CDH12: variants seen among roughly 807,000 people sequenced by gnomAD.
CDH12 encodes cadherin 12, also known as cadherin-12.
Under a neutral mutation model 74.1 loss-of-function variants are expected in CDH12, and 41 were observed. The ratio of observed to expected loss-of-function variants is 0.55; its 90% CI spans 0.43 to 0.72. The LOEUF is 0.72. Ranked by LOEUF, CDH12 falls within the 30% of genes least tolerant of loss-of-function variation. CDH12 has a pLI of 0.00. For synonymous variants in CDH12, 399 were observed against 355.0 expected, an observed-to-expected ratio of 1.12 and a Z score of -1.39; for missense variants, 945 against 977.2, an observed-to-expected ratio of 0.97 and a Z score of 0.44.
rs148012186 is a variant in CDH12, at chr5:22,518,636, G to A, written c.-522-13272C>T. 1.2e-4 allele frequency among the ~76,000 whole-genome samples: 18 copies of A among 152,246 alleles called. No individual in the cohort carries two copies. In the East Asian group the frequency reaches 1.9e-3, roughly 16 times the overall value. On this transcript the variant is annotated intron_variant, in intron 1 of 14. Coordinates refer to ENST00000382254, the MANE Select transcript of CDH12 (RefSeq NM_004061.5). The stretch of plus-strand genomic sequence containing the variant: ...CTTTCAACCATGCCTTTTCTTGTAC[G>A]AATTAGACCATAAGCCTTGAATTCT...
intron 1 of CDH12, among the ~76,000 whole-genome samples, chr5:22,817,556 A>G (rs1382445492): frequency 6.6e-6 from 1 of 152,144 alleles, no homozygotes; most frequent in East Asian, 1.9e-4. Context: ...AGTTATACAC[A>G]TATTCATTTA....
chr5:22,644,635 C>T (rs1739340180), intron 1 of CDH12, among the ~76,000 whole-genome samples: 1 of 151,892 alleles, frequency 6.6e-6, no homozygotes, highest in South Asian at 2.1e-4. Context: ...ATAGAAGCTG[C>T]AGTATGTTAT....
intron 2 of CDH12, among the ~76,000 whole-genome samples, chr5:22,459,261 A>C (rs1160893112): frequency 6.6e-6 from 1 of 152,092 alleles, no homozygotes; most frequent in Admixed American, 6.5e-5. Flanking sequence ...TATTATGAAT[A>C]TTTAAATGAG....
chr5:22,839,543 G>A (rs1736993247), intron 1 of CDH12, among the ~76,000 whole-genome samples: 1 of 151,928 alleles, frequency 6.6e-6, no homozygotes, highest in African/African-American at 2.4e-5. Context: ...TTTTAGTAGA[G>A]ACAGGGTTTC....
At chr5:22,307,645 G>A (rs1738170554) in intron 3 of CDH12, among the ~76,000 whole-genome samples, 1 of 151,960 alleles carries the variant, frequency 6.6e-6, no homozygotes, top group South Asian at 2.1e-4. Context: ...GAAATATTGT[G>A]TTTTTCCTAA....
intron 3 of CDH12, among the ~76,000 whole-genome samples, chr5:22,380,930 A>G (rs1161035891): frequency 2.6e-5 from 4 of 152,156 alleles, no homozygotes; most frequent in Non-Finnish European, 5.9e-5. Flanking sequence ...TTTCAGCACA[A>G]TAAATATATG....
chr5:21,845,530 T>A (rs537220865), intron 7 of CDH12, among the ~76,000 whole-genome samples: 89 of 151,356 alleles, frequency 5.9e-4, no homozygotes, highest in African/African-American at 2.0e-3. Context: ...TTAGTGGACA[T>A]CTTTCTGGTT....
In CDH12 at chr5:22,075,011, G is replaced by A. The variant is rs570873567; in HGVS notation, c.231+3435C>T. On this transcript the variant is annotated intron_variant, in intron 5 of 14. Transcript: ENST00000382254. ...TGGTGCTATAAAGAGACATGCACAC[G>A]TATGTTTATTGTGGCACTATTCACA... is the stretch of plus-strand genomic sequence containing the variant. Among the ~76,000 whole-genome samples the A allele has an allele frequency of 3.7e-3, 559 of 152,168 alleles. 3 individuals carry two copies. The highest frequency in any genetic ancestry group is 5.1e-3 in the Non-Finnish European group (349 of 68,010).
chr5:22,096,924 G>C (rs1743815568), intron 4 of CDH12, among the ~76,000 whole-genome samples: 1 of 152,020 alleles, frequency 6.6e-6, no homozygotes, highest in Non-Finnish European at 1.5e-5. Context: ...CCCACAACAG[G>C]ACTTAACCTC....
At chr5:22,376,192 GCTAGGC>G (rs1379108464) in intron 3 of CDH12, among the ~76,000 whole-genome samples, 4 of 152,162 alleles carry the variant, frequency 2.6e-5, no homozygotes, top group Non-Finnish European at 5.9e-5. Flanking sequence ...AGTGAGAAAA[GCTAGGC>G]ACAGAAAGAG....
At chr5:22,569,185 T>G (rs1739427967) in intron 1 of CDH12, among the ~76,000 whole-genome samples, 1 of 152,218 alleles carries the variant, frequency 6.6e-6, no homozygotes, top group Admixed American at 6.5e-5. Context: ...AATCTCATGT[T>G]GAAATCTAGT....
chr5:22,836,221 C>CTTTTTTTTTTTTTTT (rs1561065927), intron 1 of CDH12, among the ~76,000 whole-genome samples: 3 of 13,290 alleles, frequency 2.3e-4, no homozygotes, highest in African/African-American at 6.1e-4. Context: ...TTCTTTCTTT[C>CTTTTTTTTTTTTTTT]TCTTTTTTTT....
intron 3 of CDH12, among the ~76,000 whole-genome samples, chr5:22,299,335 C>T (rs1395583070): frequency 6.6e-6 from 1 of 151,880 alleles, no homozygotes; most frequent in Non-Finnish European, 1.5e-5. Flanking sequence ...TCCTTTGTCT[C>T]TGAATAAAAG....
intron 2 of CDH12, among the ~76,000 whole-genome samples, chr5:22,441,841 T>C (rs1424814510): frequency 1.3e-5 from 2 of 152,066 alleles, no homozygotes; most frequent in African/African-American, 4.8e-5. Context: ...GTAGCTGGGA[T>C]TAAAGGCGTC....
intron 3 of CDH12, among the ~76,000 whole-genome samples, chr5:22,342,667 C>A (rs567817039): frequency 3.7e-4 from 54 of 145,202 alleles, no homozygotes; most frequent in African/African-American, 1.4e-3. Flanking sequence ...CTTTCTCTTT[C>A]TTTCCTTTCC....
intron 1 of CDH12, among the ~76,000 whole-genome samples, chr5:22,570,861 C>A (rs1739508611): frequency 6.6e-6 from 1 of 152,150 alleles, no homozygotes; most frequent in African/African-American, 2.4e-5. Context: ...CCTTAAAAAT[C>A]TAGTGTTTAG....
chr5:22,531,613 A>G (rs1737585589), intron 1 of CDH12, among the ~76,000 whole-genome samples: 1 of 152,168 alleles, frequency 6.6e-6, no homozygotes, highest in Admixed American at 6.6e-5. Context: ...ATGCAGAAAT[A>G]TTAAATATTT....
At chr5:22,754,208 C>T (rs946493285) in intron 1 of CDH12, among the ~76,000 whole-genome samples, 2 of 152,108 alleles carry the variant, frequency 1.3e-5, no homozygotes, top group Admixed American at 6.6e-5. Context: ...AACTTGAATG[C>T]TTTTAAAAAT....
chr5:22,437,252 AAAT>A (rs1468934838), intron 2 of CDH12, among the ~76,000 whole-genome samples: 1 of 151,904 alleles, frequency 6.6e-6, no homozygotes, highest in Non-Finnish European at 1.5e-5. Flanking sequence ...CAAAATGTTG[AAAT>A]AATTTTATCT....
Sources: allele counts gnomAD v4.1 joint callset (sites outside exome capture counted in the v4.1 genomes callset), GRCh38; gene constraint gnomAD v4.1.1; transcripts MANE v1.5; gene names NCBI Gene and HGNC (gene_info 2026-07-23, HGNC 2026-07-21).